The following CNTNAP2 variants were observed in gnomAD, a reference collection of about 807,000 sequenced individuals.
CNTNAP2 encodes contactin-associated protein-like 2.
CNTNAP2 carries 98 observed loss-of-function variants against 155.2 expected under a neutral mutation model. That is an observed-to-expected ratio of 0.63 (90% CI 0.54 to 0.75). CNTNAP2 has a LOEUF of 0.75. CNTNAP2 is among the 30% of genes least tolerant of loss of function. CNTNAP2 has a pLI of 0.00. For missense variants in CNTNAP2, 1,727 were observed against 1,688.1 expected (o/e 1.02, Z -0.40); for synonymous variants, 651 against 631.2 (o/e 1.03, Z -0.47).
At chr7:148,063,393 A>G (rs1456925661) in intron 15 of CNTNAP2, among the ~76,000 whole-genome samples, 1 of 151,914 alleles carries the variant, frequency 6.6e-6, no homozygotes, top group Admixed American at 6.6e-5. Context: ...CCCATTATAC[A>G]TATTGTACCA....
chr7:147,548,890 G>T (rs751248814), intron 11 of CNTNAP2, among the ~76,000 whole-genome samples: 1 of 151,932 alleles, frequency 6.6e-6, no homozygotes, highest in Non-Finnish European at 1.5e-5. Flanking sequence ...TGTTTTTGTC[G>T]CATTTGTCAA....
chr7:147,276,127 C>G (rs1305759000), intron 8 of CNTNAP2, among the ~76,000 whole-genome samples: 2 of 151,448 alleles, frequency 1.3e-5, no homozygotes, highest in Non-Finnish European at 2.9e-5. Context: ...GGGATGTTGA[C>G]TTGTATTTTT....
At chr7:146,138,516 C>A (rs1157257218) in intron 1 of CNTNAP2, among the ~76,000 whole-genome samples, 3 of 151,858 alleles carry the variant, frequency 2.0e-5, no homozygotes, top group Non-Finnish European at 4.4e-5. Flanking sequence ...CAATATAGAC[C>A]ATATCATTCA....
intron 13 of CNTNAP2, among the ~76,000 whole-genome samples, chr7:147,683,998 G>A (rs1340585756): frequency 6.6e-6 from 1 of 151,718 alleles, no homozygotes; most frequent in Non-Finnish European, 1.5e-5. Flanking sequence ...AAGAAGAGAT[G>A]ATGCCGGTTT....
rs780161927 is a variant in CNTNAP2 at position 147,638,792 on chromosome 7, G to A, written c.1898-314G>A. 6 of 473,618 alleles carry A rather than the reference G, an allele frequency of 1.3e-5. No individual in the cohort carries two copies. In the Admixed American group the frequency reaches 2.0e-4, roughly 16 times the overall value. The allele number at this position is 473,618 out of a possible 1,614,324, so 29.3% of individuals were successfully genotyped here. A position where few individuals can be genotyped will look rare whatever the true frequency, so the allele number is the denominator to read the frequency against. On this transcript the variant is annotated intron_variant, in intron 12 of 23. Coordinates refer to ENST00000361727, the MANE Select transcript of CNTNAP2 (RefSeq NM_014141.6). ...TCAGCAAGAAGTTGGGACATAATGA[G>A]CCTGATATTCAATGCTGCAGATGTT...
intron 1 of CNTNAP2, among the ~76,000 whole-genome samples, chr7:146,657,182 AC>A (rs1336626079): frequency 6.6e-6 from 1 of 152,178 alleles, no homozygotes; most frequent in Non-Finnish European, 1.5e-5. Context: ...TTGACTTCTA[AC>A]AAAAACTGTT....
intron 13 of CNTNAP2, among the ~76,000 whole-genome samples, chr7:147,677,854 C>T (rs1373434516): frequency 6.6e-6 from 1 of 151,478 alleles, no homozygotes; most frequent in Non-Finnish European, 1.5e-5. Flanking sequence ...TCTGGAGTTC[C>T]TATCTTGTCT....
chr7:146,994,212 T>TA (rs144372798), intron 3 of CNTNAP2, among the ~76,000 whole-genome samples: 3,437 of 152,226 alleles, frequency 0.023, 65 homozygotes, highest in Non-Finnish European at 0.034. Context: ...GATTTTTTTT[T>TA]AAACAAATTC....
intron 3 of CNTNAP2, among the ~76,000 whole-genome samples, chr7:146,979,454 A>G (rs1309161583): frequency 6.6e-6 from 1 of 152,202 alleles, no homozygotes; most frequent in Admixed American, 6.5e-5. Context: ...TGATACTCAA[A>G]CTAAATAACA....
chr7:146,718,935 G>A (rs1801238509), intron 1 of CNTNAP2, among the ~76,000 whole-genome samples: 1 of 152,094 alleles, frequency 6.6e-6, no homozygotes, highest in Non-Finnish European at 1.5e-5. Context: ...ATGGGCGTGT[G>A]CTTCTTTTAC....
At chr7:147,711,022 T>C (rs1796393722) in intron 13 of CNTNAP2, among the ~76,000 whole-genome samples, 1 of 152,196 alleles carries the variant, frequency 6.6e-6, no homozygotes, top group Non-Finnish European at 1.5e-5. Context: ...GCAAGACATT[T>C]GACATTCTCG....
At chr7:146,438,284 C>CTT (rs10585690) in intron 1 of CNTNAP2, among the ~76,000 whole-genome samples, 4 of 146,104 alleles carry the variant, frequency 2.7e-5, no homozygotes, top group African/African-American at 1.0e-4. Context: ...TCCATAGAAG[C>CTT]TTTTTTTTTT....
chr7:147,929,052 G>A (rs777211082), intron 14 of CNTNAP2, among the ~76,000 whole-genome samples: 82 of 124,162 alleles, frequency 6.6e-4, no homozygotes, highest in South Asian at 1.6e-3. Flanking sequence ...AGACTGCGCC[G>A]TTGCACTCCA....
chr7:147,853,551 G>T (rs999772251), intron 13 of CNTNAP2, among the ~76,000 whole-genome samples: 2 of 152,152 alleles, frequency 1.3e-5, no homozygotes, highest in African/African-American at 4.8e-5. Context: ...TAAATTAGAA[G>T]CTCGATTATA....
chr7:146,750,632 T>A (rs997934466), intron 1 of CNTNAP2, among the ~76,000 whole-genome samples: 1 of 152,204 alleles, frequency 6.6e-6, no homozygotes, highest in Non-Finnish European at 1.5e-5. Context: ...TTGTCGTCAG[T>A]GCTATAATAT....
At chr7:147,866,839 C>T (rs946469032) in intron 13 of CNTNAP2, among the ~76,000 whole-genome samples, 5 of 151,652 alleles carry the variant, frequency 3.3e-5, no homozygotes, top group African/African-American at 1.2e-4. Context: ...AGCCTATGTA[C>T]GTCTTTGCAT....
At chr7:147,238,843 C>A (rs1205709713) in intron 8 of CNTNAP2, among the ~76,000 whole-genome samples, 1 of 152,132 alleles carries the variant, frequency 6.6e-6, no homozygotes, top group Non-Finnish European at 1.5e-5. Context: ...GCTATGAAAG[C>A]ATCATTCAGT....
chr7:148,162,974 G>A (rs965415412), intron 17 of CNTNAP2, among the ~76,000 whole-genome samples: 2 of 152,206 alleles, frequency 1.3e-5, no homozygotes, highest in African/African-American at 4.8e-5. Flanking sequence ...CACTCGGCCT[G>A]AGCCAAAGAG....
At chr7:147,868,751 G>T (rs1196736960) in intron 13 of CNTNAP2, among the ~76,000 whole-genome samples, 1 of 152,210 alleles carries the variant, frequency 6.6e-6, no homozygotes, top group African/African-American at 2.4e-5. Flanking sequence ...AGTGAGCAAG[G>T]CTCCATGGGC....
Sources: allele counts gnomAD v4.1 joint callset (sites outside exome capture counted in the v4.1 genomes callset), GRCh38; gene constraint gnomAD v4.1.1; transcripts MANE v1.5; gene names NCBI Gene and HGNC (gene_info 2026-07-23, HGNC 2026-07-21).